The following LRP1B variants were observed in gnomAD, a reference collection of about 807,000 sequenced individuals.
LRP1B encodes low-density lipoprotein receptor-related protein 1B.
LRP1B carries 217 observed loss-of-function variants against 556.6 expected under a neutral mutation model. The ratio of observed to expected loss-of-function variants is 0.39; its 90% CI spans 0.35 to 0.44. The LOEUF is 0.44. Among genes scored for constraint, LRP1B ranks in the 20% least tolerant of loss-of-function variants. LRP1B has a pLI of 1.00. For synonymous variants in LRP1B, 2,047 were observed against 1,865.8 expected, an observed-to-expected ratio of 1.10 and a Z score of -2.50; for missense variants, 5,053 against 5,620.8, an observed-to-expected ratio of 0.90 and a Z score of 3.23.
chr2:140,235,610 C>A (rs1397874339), intron 89 of LRP1B, among the ~76,000 whole-genome samples: 1 of 151,014 alleles, frequency 6.6e-6, no homozygotes, highest in African/African-American at 2.4e-5. Flanking sequence ...ATATTTGATG[C>A]AATTTTGGTT....
intron 18 of LRP1B, among the ~76,000 whole-genome samples, chr2:140,953,326 T>C (rs1695774576): frequency 6.6e-6 from 1 of 152,164 alleles, no homozygotes; most frequent in African/African-American, 2.4e-5. Context: ...CCTGACCTTG[T>C]GATCCACATG....
intron 1 of LRP1B, among the ~76,000 whole-genome samples, chr2:141,926,692 T>C (rs1408119281): frequency 6.6e-6 from 1 of 152,092 alleles, no homozygotes; most frequent in Non-Finnish European, 1.5e-5. Flanking sequence ...AATTTGAAAA[T>C]AGGTAGGTAG....
At chr2:141,716,378 GGATGCTA>G (rs1692586698) in intron 2 of LRP1B, among the ~76,000 whole-genome samples, 1 of 152,008 alleles carries the variant, frequency 6.6e-6, no homozygotes, top group East Asian at 1.9e-4. Context: ...TGAGAGTCAC[GGATGCTA>G]GTGTTTTAAT....
chr2:140,506,666 T>C, intron 53 of LRP1B, 130 bp downstream of exon 53: 1 of 845,076 alleles, frequency 1.2e-6, no homozygotes, highest in East Asian at 2.5e-5. Context: ...TGATTGTGTA[T>C]TACTGAATTC....
chr2:141,313,371 A>G (rs1686884126), intron 3 of LRP1B, among the ~76,000 whole-genome samples: 1 of 152,154 alleles, frequency 6.6e-6, no homozygotes. Flanking sequence ...AGAAAAAAAA[A>G]CACTTGAAGG....
chr2:141,434,220 A>T (rs1334258905), intron 3 of LRP1B, among the ~76,000 whole-genome samples: 1 of 151,956 alleles, frequency 6.6e-6, no homozygotes, highest in Non-Finnish European at 1.5e-5. Context: ...CTATTCTATT[A>T]TGGGTATGTT....
At chr2:140,891,670 G>T (rs1693803059) in intron 23 of LRP1B, among the ~76,000 whole-genome samples, 1 of 152,048 alleles carries the variant, frequency 6.6e-6, no homozygotes, top group Admixed American at 6.6e-5. Context: ...CCAGCTATAG[G>T]CATATTGGGA....
chr2:140,657,584 T>C (rs1308407581), intron 41 of LRP1B, among the ~76,000 whole-genome samples: 8 of 119,218 alleles, frequency 6.7e-5, no homozygotes, highest in African/African-American at 1.6e-4. Context: ...TACATATATA[T>C]ACATACATAC....
chr2:141,782,641 A>G (rs1695295050), intron 2 of LRP1B, among the ~76,000 whole-genome samples: 1 of 151,534 alleles, frequency 6.6e-6, no homozygotes, highest in African/African-American at 2.4e-5. Context: ...CTGATCATAT[A>G]GGGTTTGTGT....
rs371226405 is a variant in LRP1B at position 141,680,176 on chromosome 2, C to T, written c.205+130103G>A. ...ATATTTCATAATATTTTAAACTTTGCGAATTTCGAATCAAAATCAGGTAAA... is the reference window on the plus strand; with the variant it reads ...ATATTTCATAATATTTTAAACTTTGTGAATTTCGAATCAAAATCAGGTAAA... On this transcript the variant is annotated intron_variant, in intron 2 of 90. Coordinates refer to ENST00000389484, the MANE Select transcript of LRP1B (RefSeq NM_018557.3). Among the ~76,000 whole-genome samples, 11 of 152,012 alleles carry T rather than the reference C, an allele frequency of 7.2e-5. No individual in the cohort carries two copies. The East Asian group carries it at 1.2e-3, about 16-fold the overall frequency.
chr2:140,403,882 A>C (rs545913559), intron 66 of LRP1B, among the ~76,000 whole-genome samples: 1 of 152,296 alleles, frequency 6.6e-6, no homozygotes, highest in East Asian at 1.9e-4. Context: ...AGATAAAAGC[A>C]TCAGGTAGCA....
chr2:140,465,980 T>C (rs1468311058), intron 60 of LRP1B, among the ~76,000 whole-genome samples: 1 of 152,062 alleles, frequency 6.6e-6, no homozygotes, highest in African/African-American at 2.4e-5. Context: ...CTCTACTGTT[T>C]GTAATGGACT....
intron 41 of LRP1B, among the ~76,000 whole-genome samples, chr2:140,677,782 G>A (rs966821318): frequency 9.2e-5 from 14 of 151,726 alleles, no homozygotes; most frequent in South Asian, 2.1e-4. Context: ...AGGCTGAGGC[G>A]GGAGAATCGC....
intron 1 of LRP1B, among the ~76,000 whole-genome samples, chr2:141,814,987 T>C (rs1280075888): frequency 6.6e-6 from 1 of 152,072 alleles, no homozygotes; most frequent in Non-Finnish European, 1.5e-5. Context: ...TTACTAAAGT[T>C]ATGTGAAATT....
intron 31 of LRP1B, among the ~76,000 whole-genome samples, chr2:140,831,263 A>C (rs982174619): frequency 1.3e-5 from 2 of 152,156 alleles, no homozygotes; most frequent in Non-Finnish European, 2.9e-5. Context: ...ACATTACTTG[A>C]CTTCAAAATG....
chr2:141,270,131 C>T (rs903535682), intron 3 of LRP1B, among the ~76,000 whole-genome samples: 3 of 152,056 alleles, frequency 2.0e-5, no homozygotes, highest in Non-Finnish European at 4.4e-5. Context: ...TGGGCGAAGA[C>T]TTCACATTTC....
chr2:140,756,492 A>G (rs913086798), intron 35 of LRP1B, among the ~76,000 whole-genome samples: 5 of 152,124 alleles, frequency 3.3e-5, no homozygotes, highest in African/African-American at 1.2e-4. Flanking sequence ...AGATATATAG[A>G]TCAATGAGAT....
At chr2:140,280,350 G>C (rs1156282146) in intron 84 of LRP1B, among the ~76,000 whole-genome samples, 2 of 151,700 alleles carry the variant, frequency 1.3e-5, no homozygotes, top group Non-Finnish European at 2.9e-5. Context: ...TTGTTGTTGT[G>C]GGGGGTGGTA....
At chr2:141,549,552 T>A (rs1685674920) in intron 2 of LRP1B, among the ~76,000 whole-genome samples, 1 of 152,224 alleles carries the variant, frequency 6.6e-6, no homozygotes, top group African/African-American at 2.4e-5. Flanking sequence ...GAGAATCTTT[T>A]GTCGGCCTTT....
Sources: allele counts gnomAD v4.1 joint callset (sites outside exome capture counted in the v4.1 genomes callset), GRCh38; gene constraint gnomAD v4.1.1; transcripts MANE v1.5; gene names NCBI Gene and HGNC (gene_info 2026-07-23, HGNC 2026-07-21).